GMPR: variants seen among roughly 807,000 people sequenced by gnomAD.
The protein encoded by GMPR is GMP reductase 1.
Under a neutral mutation model 38.4 loss-of-function variants are expected in GMPR, and 31 were observed. The observed-to-expected ratio is 0.81, with a 90% CI of 0.61 to 1.09. The LOEUF (loss-of-function observed/expected upper bound fraction) is 1.09. GMPR is among the 50% of genes least tolerant of loss of function. The probability of loss-of-function intolerance (pLI) is 0.00; values close to 1 mark genes in which losing one functional copy is unlikely to be tolerated. For synonymous variants in GMPR, 162 were observed against 173.3 expected (o/e 0.93, Z 0.51); for missense variants, 468 against 453.7 (o/e 1.03, Z -0.29).
intron 3 of GMPR, among the ~76,000 whole-genome samples, chr6:16,253,119 GT>G: frequency 6.6e-6 from 1 of 152,364 alleles, no homozygotes; most frequent in East Asian, 1.9e-4. Flanking sequence ...ACTGGTGGAA[GT>G]TAAGGGACAA....
At chr6:16,247,064 G>T (rs1758772242) in intron 2 of GMPR, 103 bp downstream of exon 2, 1 of 1,098,222 alleles carries the variant, frequency 9.1e-7, no homozygotes. Flanking sequence ...GAGTAGAAAT[G>T]TGAGCTGCTT....
Position 16,250,355 on chromosome 6 carries a change from A to G in GMPR, c.279A>G (p.Pro93=). The G allele has an allele frequency of 1.3e-6, 2 of 1,597,492 alleles. No individual in the cohort carries two copies. Among genetic ancestry groups the G allele is most frequent in the South Asian group, 1.1e-5 (1 of 90,792 alleles). The change falls in exon 3 of 9, where the codon CCA becomes CCG. Residue 93 remains proline, a synonymous_variant. Coordinates refer to ENST00000259727, the MANE Select transcript of GMPR (RefSeq NM_006877.4). ...GGAAGCTCTTTGCCACAAATCACCC[A>G]GAATGCCTGCAGGTACGACTACAGC... ...DDWKLFATNH[P]ECLQNVAVSS... is the part of the protein sequence containing the mutation.
At chr6:16,293,296 C>T (rs904504981) in intron 8 of GMPR, among the ~76,000 whole-genome samples, 9 of 152,188 alleles carry the variant, frequency 5.9e-5, no homozygotes, top group Non-Finnish European at 1.2e-4. Context: ...CAAGAAGCCC[C>T]AGGAAGGCCA....
chr6:16,290,343 C>T (rs1420399667), intron 7 of GMPR, 119 bp from the exon 8 acceptor site: 1 of 885,008 alleles, frequency 1.1e-6, no homozygotes, highest in Non-Finnish European at 1.8e-6. Context: ...CAGCCTTTCT[C>T]TTGACTATAG....
At position 16,285,849 on chromosome 6, in the gene GMPR, C is replaced by T; in HGVS notation, c.697+14C>T. 6.2e-7 allele frequency: 1 copy of T among 1,604,228 alleles called. No homozygotes were observed. The highest frequency in any genetic ancestry group is 1.7e-4 in the Middle Eastern group (1 of 6,058). On this transcript the variant is annotated intron_variant, in intron 7 of 8. Coordinates refer to ENST00000259727, the MANE Select transcript of GMPR (RefSeq NM_006877.4). ...CCAAAGCCTTTGGTAAGGCCGGGCC[C>T]TGGTGCAGAGGGAGGGAAGGAAGGA...
chr6:16,278,868 GCCTGAAGGGCCACAT>G lies in GMPR; in HGVS notation c.634_648del (p.Leu212_Ile216del). ...ATTGAGTGTGCCGACTCTGCCCATG[GCCTGAAGGGCCACAT>G]CATCTCTGTGAGTCTCCACCCGGGG... On this transcript the variant is annotated inframe_deletion, in exon 6 of 9. Transcript: ENST00000259727. 2 of 1,612,142 alleles carry G rather than the reference GCCTGAAGGGCCACAT, an allele frequency of 1.2e-6. No individual in the cohort carries two copies. The highest frequency in any genetic ancestry group is 1.7e-6 in the Non-Finnish European group (2 of 1,178,322).
chr6:16,267,758 T>C (rs1190803013), intron 4 of GMPR, among the ~76,000 whole-genome samples: 2 of 152,158 alleles, frequency 1.3e-5, no homozygotes, highest in Non-Finnish European at 2.9e-5. Context: ...GGTGGCTCTT[T>C]CTGATCTGGT....
chr6:16,290,372 G>A, intron 7 of GMPR, 90 bp from the exon 8 acceptor site: 2 of 1,174,484 alleles, frequency 1.7e-6, no homozygotes, highest in Non-Finnish European at 1.3e-6. Context: ...GGAGGGAGGT[G>A]AACTGGGCAA....
At chr6:16,255,770 T>C (rs970363958) in intron 4 of GMPR, among the ~76,000 whole-genome samples, 1 of 152,240 alleles carries the variant, frequency 6.6e-6, no homozygotes, top group African/African-American at 2.4e-5. Flanking sequence ...CCCTTCCTTT[T>C]TTGAATTTTG....
intron 4 of GMPR, among the ~76,000 whole-genome samples, chr6:16,260,792 G>C (rs1326680917): frequency 1.3e-5 from 2 of 151,896 alleles, no homozygotes; most frequent in Non-Finnish European, 2.9e-5. Context: ...GGAAATATGG[G>C]GAAATGGAGT....
intron 6 of GMPR, among the ~76,000 whole-genome samples, chr6:16,284,874 G>C (rs1230859155): frequency 6.6e-6 from 1 of 152,014 alleles, no homozygotes; most frequent in Non-Finnish European, 1.5e-5. Context: ...ACAAAAATTA[G>C]CTGGGCTTGG....
chr6:16,240,871 C>G (rs1355001820), intron 1 of GMPR, among the ~76,000 whole-genome samples: 1 of 152,100 alleles, frequency 6.6e-6, no homozygotes, highest in Non-Finnish European at 1.5e-5. Flanking sequence ...CCTGGAGACT[C>G]AGGTTAACCA....
chr6:16,245,304 T>C (rs1377640006), intron 1 of GMPR, among the ~76,000 whole-genome samples: 1 of 152,168 alleles, frequency 6.6e-6, no homozygotes, highest in African/African-American at 2.4e-5. Flanking sequence ...ATGACATCAT[T>C]CACCCAGGAC....
chr6:16,271,056 A>C (rs1211178180), intron 4 of GMPR, among the ~76,000 whole-genome samples: 4 of 152,232 alleles, frequency 2.6e-5, no homozygotes, highest in African/African-American at 9.7e-5. Flanking sequence ...ACTAGAACTT[A>C]CTTTGACTCT....
At chr6:16,276,739 A>G (rs972968041) in intron 5 of GMPR, among the ~76,000 whole-genome samples, 6 of 152,218 alleles carry the variant, frequency 3.9e-5, no homozygotes, top group African/African-American at 1.4e-4. Context: ...AAAACATTGC[A>G]TATTACATAT....
intron 1 of GMPR, among the ~76,000 whole-genome samples, chr6:16,241,599 T>C (rs1294767736): frequency 6.6e-6 from 1 of 152,214 alleles, no homozygotes; most frequent in Non-Finnish European, 1.5e-5. Context: ...TTCTGAGAAG[T>C]GATGAGTTTG....
At chr6:16,250,939 G>T (rs968151277) in intron 3 of GMPR, among the ~76,000 whole-genome samples, 10 of 152,078 alleles carry the variant, frequency 6.6e-5, no homozygotes, top group Non-Finnish European at 1.5e-4. Context: ...CTTATTCACT[G>T]CTGGGAATGG....
intron 7 of GMPR, among the ~76,000 whole-genome samples, chr6:16,287,739 C>T (rs935432752): frequency 2.0e-5 from 3 of 152,174 alleles, no homozygotes; most frequent in African/African-American, 7.2e-5. Context: ...ACCAGGGAGT[C>T]AGCATTCGTG....
chr6:16,245,524 AG>A (rs1758735434), intron 1 of GMPR, among the ~76,000 whole-genome samples: 1 of 152,250 alleles, frequency 6.6e-6, no homozygotes, highest in Non-Finnish European at 1.5e-5. Flanking sequence ...TGTAGGTCTA[AG>A]TTACTGCAGA....
Sources: allele counts gnomAD v4.1 joint callset (sites outside exome capture counted in the v4.1 genomes callset), GRCh38; gene constraint gnomAD v4.1.1; transcripts MANE v1.5; gene names NCBI Gene and HGNC (gene_info 2026-07-23, HGNC 2026-07-21).